WWOX: variants seen among roughly 807,000 people sequenced by gnomAD.
The protein encoded by WWOX is WW domain containing oxidoreductase.
Under a neutral mutation model 46.2 loss-of-function variants are expected in WWOX, and 69 were observed. The ratio of observed to expected loss-of-function variants is 1.49; its 90% CI spans 1.23 to 1.82. The LOEUF (loss-of-function observed/expected upper bound fraction) is 1.82. Among genes scored for constraint, WWOX ranks in the 40% most tolerant of loss-of-function variants. WWOX has a pLI of 0.00. For missense variants in WWOX, 919 were observed against 542.6 expected, an observed-to-expected ratio of 1.69 and a Z score of -6.89; for synonymous variants, 359 against 202.6, an observed-to-expected ratio of 1.77 and a Z score of -6.56.
intron 6 of WWOX, among the ~76,000 whole-genome samples, chr16:78,422,842 T>C (rs1302366882): frequency 9.2e-5 from 7 of 76,292 alleles, no homozygotes; most frequent in African/African-American, 4.0e-4. Context: ...TATATATACA[T>C]ATACACACAC....
intron 5 of WWOX, among the ~76,000 whole-genome samples, chr16:78,233,420 T>G (rs1357322074): frequency 6.6e-6 from 1 of 152,170 alleles, no homozygotes; most frequent in Non-Finnish European, 1.5e-5. Context: ...TTTAACGTGC[T>G]GTGGTGGCCT....
At chr16:79,077,084 C>G (rs1260648067) in intron 8 of WWOX, among the ~76,000 whole-genome samples, 1 of 152,112 alleles carries the variant, frequency 6.6e-6, no homozygotes, top group African/African-American at 2.4e-5. Context: ...GGTCTCATAG[C>G]AAAAAGGTGG....
chr16:79,074,922 A>C (rs999518635), intron 8 of WWOX, among the ~76,000 whole-genome samples: 23 of 152,130 alleles, frequency 1.5e-4, no homozygotes, highest in Non-Finnish European at 5.9e-5. Flanking sequence ...AAAGTGTAGT[A>C]TATACAACAG....
At chr16:78,699,768 T>C (rs1472037002) in intron 8 of WWOX, among the ~76,000 whole-genome samples, 1 of 152,252 alleles carries the variant, frequency 6.6e-6, no homozygotes, top group African/African-American at 2.4e-5. Flanking sequence ...AATGATCTTC[T>C]GGCCAACTCT....
rs868280453 is a variant in WWOX, at chr16:78,233,919, C to G, written c.516+69630C>G. On this transcript the variant is annotated intron_variant, in intron 5 of 8. Coordinates refer to ENST00000566780, the MANE Select transcript of WWOX (RefSeq NM_016373.4). ...TCTTCTTGAGGATCAGGGCTGATTT[C>G]TTCTACTGGGAAAATGTATCCCCTG... Among the ~76,000 whole-genome samples, 10 of 152,298 alleles carry G rather than the reference C, an allele frequency of 6.6e-5. No individual in the cohort carries two copies. The South Asian group carries it at 2.1e-3, about 32-fold the overall frequency.
At chr16:78,326,513 TTA>T (rs2080620345) in intron 5 of WWOX, among the ~76,000 whole-genome samples, 1 of 134,106 alleles carries the variant, frequency 7.5e-6, no homozygotes, top group African/African-American at 3.5e-5. Flanking sequence ...TCACTGTTAC[TTA>T]CTGTGTTTCT....
chr16:78,303,575 G>A (rs1303679758), intron 5 of WWOX, among the ~76,000 whole-genome samples: 2 of 151,904 alleles, frequency 1.3e-5, no homozygotes, highest in African/African-American at 2.4e-5. Context: ...ATGGTGTTTC[G>A]CTCTCGTTGC....
At chr16:79,136,925 A>G (rs564479073) in intron 8 of WWOX, among the ~76,000 whole-genome samples, 1 of 152,348 alleles carries the variant, frequency 6.6e-6, no homozygotes, top group Admixed American at 6.5e-5. Context: ...AGATCAATCA[A>G]TTACATGTGA....
At chr16:78,359,089 T>C (rs1412461168) in intron 5 of WWOX, among the ~76,000 whole-genome samples, 1 of 152,156 alleles carries the variant, frequency 6.6e-6, no homozygotes, top group East Asian at 1.9e-4. Context: ...TAGATAATGC[T>C]TGAGAAAGCT....
At chr16:78,764,294 C>T (rs982586189) in intron 8 of WWOX, among the ~76,000 whole-genome samples, 3 of 151,674 alleles carry the variant, frequency 2.0e-5, no homozygotes, top group Non-Finnish European at 4.4e-5. Context: ...CCACCCAGTC[C>T]AGTGAGTATG....
At chr16:79,096,525 C>T (rs2049077633) in intron 8 of WWOX, among the ~76,000 whole-genome samples, 2 of 152,196 alleles carry the variant, frequency 1.3e-5, no homozygotes, top group Non-Finnish European at 2.9e-5. Flanking sequence ...CTGGCCCATC[C>T]TTTCTCTGTT....
intron 8 of WWOX, among the ~76,000 whole-genome samples, chr16:78,994,969 C>CTTTTTTTTTTTTTTTTTTTTTTTTTTTCT (rs869088414): frequency 2.6e-5 from 3 of 114,644 alleles, no homozygotes; most frequent in Non-Finnish European, 3.4e-5. Context: ...TCTTCTTCTT[C>CTTTTTTTTTTTTTTTTTTTTTTTTTTTCT]TTTTTTTTTT....
intron 8 of WWOX, among the ~76,000 whole-genome samples, chr16:79,088,582 G>A (rs1225790460): frequency 6.6e-6 from 1 of 152,124 alleles, no homozygotes; most frequent in Non-Finnish European, 1.5e-5. Context: ...GTTTCTTTTT[G>A]AAACTAAAAG....
chr16:78,234,771 T>C (rs1677310856), intron 5 of WWOX, among the ~76,000 whole-genome samples: 1 of 132,558 alleles, frequency 7.5e-6, no homozygotes, highest in Non-Finnish European at 1.6e-5. Context: ...GGTACAATGA[T>C]AAAACAAAAC....
intron 8 of WWOX, among the ~76,000 whole-genome samples, chr16:78,789,145 C>T (rs1226933637): frequency 6.6e-6 from 1 of 152,088 alleles, no homozygotes. Context: ...GTCACCCCTC[C>T]TCTCGCATTT....
At chr16:78,832,395 C>T (rs1250273371) in intron 8 of WWOX, among the ~76,000 whole-genome samples, 1 of 152,088 alleles carries the variant, frequency 6.6e-6, no homozygotes, top group East Asian at 1.9e-4. Flanking sequence ...TGTCAAGCAC[C>T]GTAACTTTAG....
chr16:78,785,871 C>T (rs867143125), intron 8 of WWOX, among the ~76,000 whole-genome samples: 6 of 141,642 alleles, frequency 4.2e-5, no homozygotes, highest in South Asian at 2.3e-4. Context: ...ATCTGTAGAG[C>T]GACACACTTT....
At chr16:78,638,020 C>T (rs1025429045) in intron 8 of WWOX, among the ~76,000 whole-genome samples, 5 of 152,132 alleles carry the variant, frequency 3.3e-5, no homozygotes, top group African/African-American at 1.2e-4. Flanking sequence ...TTGAGTTCTT[C>T]CCTGGGAAGC....
intron 5 of WWOX, among the ~76,000 whole-genome samples, chr16:78,329,385 C>T: frequency 6.6e-6 from 1 of 152,262 alleles, no homozygotes; most frequent in Admixed American, 6.5e-5. Flanking sequence ...CTTAGAACAA[C>T]CTCCACCACG....
Sources: allele counts gnomAD v4.1 joint callset (sites outside exome capture counted in the v4.1 genomes callset), GRCh38; gene constraint gnomAD v4.1.1; transcripts MANE v1.5; gene names NCBI Gene and HGNC (gene_info 2026-07-23, HGNC 2026-07-21).